AUTS2: variants seen among roughly 807,000 people sequenced by gnomAD.
The protein encoded by AUTS2 is autism susceptibility gene 2 protein.
In AUTS2, 17 loss-of-function variants were observed where a neutral mutation model predicts 112.4. The observed-to-expected ratio is 0.15, with a 90% CI of 0.10 to 0.23. The LOEUF (loss-of-function observed/expected upper bound fraction) is 0.23, where lower values mean the gene tolerates loss of function less well. AUTS2 is among the 10% of genes least tolerant of loss of function. The probability of loss-of-function intolerance (pLI) is 1.00; values close to 1 mark genes in which losing one functional copy is unlikely to be tolerated. For missense variants in AUTS2, 1,510 were observed against 1,701.6 expected, an observed-to-expected ratio of 0.89 and a Z score of 1.98; for synonymous variants, 751 against 702.7, an observed-to-expected ratio of 1.07 and a Z score of -1.09.
At chr7:70,148,818 G>C (rs961187847) in intron 4 of AUTS2, among the ~76,000 whole-genome samples, 1 of 151,930 alleles carries the variant, frequency 6.6e-6, no homozygotes, top group Non-Finnish European at 1.5e-5. Flanking sequence ...AATATGATGA[G>C]AATTTATAAC....
At chr7:69,936,374 G>C (rs1441012249) in intron 2 of AUTS2, among the ~76,000 whole-genome samples, 1 of 152,034 alleles carries the variant, frequency 6.6e-6, no homozygotes, top group Non-Finnish European at 1.5e-5. Context: ...TTTTGAGACA[G>C]AGTCTCTCTC....
chr7:70,052,076 C>A (rs998857942), intron 2 of AUTS2, among the ~76,000 whole-genome samples: 2 of 152,072 alleles, frequency 1.3e-5, no homozygotes, highest in African/African-American at 4.8e-5. Context: ...AGAAATGGAA[C>A]GGAGAAGATA....
chr7:70,421,877 T>C (rs139797792), intron 4 of AUTS2, among the ~76,000 whole-genome samples: 2 of 152,356 alleles, frequency 1.3e-5, no homozygotes, highest in East Asian at 3.9e-4. Flanking sequence ...AACTTGAGAC[T>C]GGCAAACCAG....
Position 70,791,771 on chromosome 7 carries a change from TTGGACCCCAGGC to T in AUTS2, c.*780_*791del, listed in dbSNP as rs1273304808. On this transcript the variant is annotated 3_prime_UTR_variant, in exon 19 of 19. Transcript: ENST00000342771. Reference sequence around the variant, plus strand: ...ACGGAGAAACATCCTGTTTTGCAAATTGGACCCCAGGCTGGAACTTAGCATCTGAAGTTGCCG... The same window carrying T: ...ACGGAGAAACATCCTGTTTTGCAAATTGGAACTTAGCATCTGAAGTTGCCG... 3 of 152,184 alleles carry T rather than the reference TTGGACCCCAGGC, an allele frequency of 2.0e-5. No individual in the cohort carries two copies. Among genetic ancestry groups the T allele is most frequent in the African/African-American group, 7.2e-5 (3 of 41,432 alleles). 9.4% of individuals were successfully genotyped at this position (152,184 alleles called of 1,614,324 possible).
At chr7:70,367,344 C>G (rs1221524964) in intron 4 of AUTS2, among the ~76,000 whole-genome samples, 1 of 151,898 alleles carries the variant, frequency 6.6e-6, no homozygotes, top group Non-Finnish European at 1.5e-5. Flanking sequence ...ATCACGAGGT[C>G]AGGAGATCGA....
At chr7:69,956,320 TGCACATAC>T (rs1212077405) in intron 2 of AUTS2, among the ~76,000 whole-genome samples, 3 of 152,224 alleles carry the variant, frequency 2.0e-5, no homozygotes, top group Non-Finnish European at 2.9e-5. Context: ...CATGCTCAAA[TGCACATAC>T]ATACCTGTGC....
intron 2 of AUTS2, among the ~76,000 whole-genome samples, chr7:70,067,215 A>AT (rs1249478770): frequency 6.6e-6 from 1 of 152,244 alleles, no homozygotes; most frequent in African/African-American, 2.4e-5. Flanking sequence ...GGCTTGAGGC[A>AT]TTTAACTTCT....
intron 1 of AUTS2, among the ~76,000 whole-genome samples, chr7:69,887,558 A>G (rs1339031086): frequency 1.3e-5 from 2 of 152,210 alleles, no homozygotes; most frequent in Non-Finnish European, 2.9e-5. Context: ...TAGTTGCTGA[A>G]TACTTCTAGA....
chr7:69,742,190 A>G (rs1787299578), intron 1 of AUTS2, among the ~76,000 whole-genome samples: 1 of 142,244 alleles, frequency 7.0e-6, no homozygotes, highest in African/African-American at 2.7e-5. Context: ...TTGTTTGTTC[A>G]TATTTCTTTC....
intron 1 of AUTS2, among the ~76,000 whole-genome samples, chr7:69,645,736 G>C (rs1210726899): frequency 2.0e-5 from 3 of 152,122 alleles, no homozygotes; most frequent in African/African-American, 7.2e-5. Flanking sequence ...TTATGGGGCA[G>C]GGGGAGAGGG....
rs141462917 is a variant in AUTS2 at position 70,407,466 on chromosome 7, A to G, written c.661-28286A>G. On this transcript the variant is annotated intron_variant, in intron 4 of 18. Coordinates refer to ENST00000342771, the MANE Select transcript of AUTS2 (RefSeq NM_015570.4). The stretch of plus-strand genomic sequence containing the variant: ...ACCGGTCGGGAGTATGTTCCCTTGA[A>G]AAATAAAAATCTCAGCATCACACCC... Among the ~76,000 whole-genome samples the G allele has an allele frequency of 1.4e-3, 215 of 152,282 alleles. 1 individual carries two copies. Among genetic ancestry groups the G allele is most frequent in the African/African-American group, 4.9e-3 (204 of 41,552 alleles).
At chr7:70,332,529 A>G (rs1184676097) in intron 4 of AUTS2, among the ~76,000 whole-genome samples, 2 of 152,220 alleles carry the variant, frequency 1.3e-5, no homozygotes, top group African/African-American at 4.8e-5. Context: ...AAAAGAACAA[A>G]GCTGGAGGCG....
intron 5 of AUTS2, among the ~76,000 whole-genome samples, chr7:70,533,300 G>A (rs1800171828): frequency 6.6e-6 from 1 of 152,042 alleles, no homozygotes; most frequent in Non-Finnish European, 1.5e-5. Context: ...TTTTTTTGTA[G>A]AAACGGTCTC....
At chr7:70,143,510 G>A (rs1162721862) in intron 4 of AUTS2, among the ~76,000 whole-genome samples, 2 of 152,204 alleles carry the variant, frequency 1.3e-5, no homozygotes, top group Non-Finnish European at 2.9e-5. Context: ...AATTTGCTTA[G>A]TAGGCTAATG....
chr7:70,705,955 GA>G (rs1809715242), intron 6 of AUTS2, among the ~76,000 whole-genome samples: 1 of 152,194 alleles, frequency 6.6e-6, no homozygotes, highest in Admixed American at 6.5e-5. Flanking sequence ...TGGGAGTAGG[GA>G]AAAAGTATTC....
Position 69,914,356 on chromosome 7 carries a change from G to GACACACACACAC in AUTS2, c.522+14886_522+14897dup, listed in dbSNP as rs66527808. On this transcript the variant is annotated intron_variant, in intron 2 of 18. Transcript: ENST00000342771. ...ACACAGACACAGACACACACACACA[G>GACACACACACAC]ACACACACACACACACACACACACA... Among the ~76,000 whole-genome samples, 1,163 of 136,048 alleles carry GACACACACACAC rather than the reference G, an allele frequency of 8.5e-3. 19 individuals carry two copies. The highest frequency in any genetic ancestry group is 0.026 in the African/African-American group (953 of 36,188). The allele number at this position is 136,048 out of a possible 152,430, so 89.3% of individuals were successfully genotyped here.
chr7:70,057,597 C>G (rs1343258613), intron 2 of AUTS2, among the ~76,000 whole-genome samples: 1 of 152,082 alleles, frequency 6.6e-6, no homozygotes, highest in Non-Finnish European at 1.5e-5. Flanking sequence ...TTTTTCATTC[C>G]CATTTTAATG....
intron 2 of AUTS2, among the ~76,000 whole-genome samples, chr7:70,117,752 T>TG (rs1172112948): frequency 2.0e-5 from 3 of 150,956 alleles, no homozygotes; most frequent in African/African-American, 7.3e-5. Context: ...GTTCACTCTT[T>TG]TTTTTTTTTT....
intron 2 of AUTS2, among the ~76,000 whole-genome samples, chr7:70,028,140 T>G (rs569474488): frequency 7.5e-4 from 114 of 151,742 alleles, no homozygotes; most frequent in Non-Finnish European, 1.6e-3. Context: ...TTCTTCCCTC[T>G]CCTTCCTGCC....
Sources: gnomAD v4.1 joint callset for allele counts (sites outside exome capture counted in the v4.1 genomes callset) on GRCh38, gnomAD v4.1.1 for gene constraint, MANE v1.5 for transcripts, NCBI Gene and HGNC (gene_info 2026-07-23, HGNC 2026-07-21) for gene names.